Variants in ZNF469 observed in about 807,000 individuals in gnomAD.
ZNF469 encodes the protein zinc finger protein 469.
A neutral mutation model predicts 1.0 loss-of-function variants in ZNF469; 1 was observed. The observed-to-expected ratio is 1.00, with a 90% CI of 0.35 to 4.73. The LOEUF (loss-of-function observed/expected upper bound fraction) is 4.73. ZNF469 is among the 30% of genes most tolerant of loss of function. The pLI, the probability that ZNF469 is intolerant of heterozygous loss-of-function variation, is 0.16. For synonymous variants in ZNF469, 2,703 were observed against 2,363.4 expected (o/e 1.14, Z -4.17); for missense variants, 6,100 against 5,356.3 (o/e 1.14, Z -4.33).
the ZNF469 span, among the ~76,000 whole-genome samples, chr16:88,140,805 C>T: frequency 5.9e-5 from 9 of 152,116 alleles, no homozygotes; most frequent in East Asian, 5.8e-4. Flanking sequence ...TGGTGGCGGG[C>T]GCCTATAATC....
chr16:88,161,440 G>A, the ZNF469 span, among the ~76,000 whole-genome samples: 2 of 152,198 alleles, frequency 1.3e-5, no homozygotes, highest in Non-Finnish European at 2.9e-5. Context: ...GAGGTGCAGA[G>A]TGACTAGACC....
At chr16:88,320,127 G>A in the ZNF469 span, among the ~76,000 whole-genome samples, 74 of 152,354 alleles carry the variant, frequency 4.9e-4, no homozygotes, top group Middle Eastern at 3.4e-3. Context: ...TACAGAGCAC[G>A]GGGGAAGCTG....
chr16:88,271,457 C>T, the ZNF469 span, among the ~76,000 whole-genome samples: 5 of 138,770 alleles, frequency 3.6e-5, no homozygotes, highest in African/African-American at 1.2e-4. Flanking sequence ...TCACAGTGGG[C>T]GGACTGGCTT....
At position 88,431,015 on chromosome 16, in the gene ZNF469, C is replaced by G; in HGVS notation, c.3545C>G (p.Ala1182Gly). The G allele has an allele frequency of 2.6e-6, 4 of 1,543,744 alleles. No individual in the cohort carries two copies. Among genetic ancestry groups the G allele is most frequent in the Non-Finnish European group, 3.5e-6 (4 of 1,146,594 alleles). ...RGPSRSLETG[A>G]AAREGGPKCA... is the part of the protein sequence containing the mutation. ...CCGTCTCGAAGCCTGGAGACGGGAG[C>G]GGCCGCCAGGGAGGGAGGCCCCAAG... is the stretch of plus-strand genomic sequence containing the variant. The change falls in exon 3 of 3, where the codon GCG (alanine) becomes GGG (glycine). Residue 1182 changes from alanine (A) to glycine (G), a missense_variant. Coordinates refer to ENST00000565624, the MANE Select transcript of ZNF469 (RefSeq NM_001367624.2).
the ZNF469 span, among the ~76,000 whole-genome samples, chr16:88,208,287 C>T: frequency 8.4e-4 from 128 of 151,836 alleles, no homozygotes; most frequent in Middle Eastern, 3.4e-3. Context: ...TTCCCTGTTG[C>T]GTGCTGCAAT....
At chr16:88,353,762 T>C in the ZNF469 span, among the ~76,000 whole-genome samples, 1 of 152,184 alleles carries the variant, frequency 6.6e-6, no homozygotes, top group Admixed American at 6.5e-5. Context: ...GCAGGGAAGA[T>C]GAGCCCAGGA....
the ZNF469 span, among the ~76,000 whole-genome samples, chr16:88,266,450 C>T: frequency 6.6e-6 from 1 of 152,194 alleles, no homozygotes; most frequent in African/African-American, 2.4e-5. Flanking sequence ...CACTCGTGTC[C>T]TCGGGGTCTC....
chr16:88,187,002 G>A, the ZNF469 span, among the ~76,000 whole-genome samples: 3 of 152,128 alleles, frequency 2.0e-5, no homozygotes, highest in African/African-American at 7.2e-5. Context: ...GCTTTGTCTC[G>A]GGAGAAAGTT....
chr16:88,300,222 G>A, the ZNF469 span, among the ~76,000 whole-genome samples: 721 of 152,300 alleles, frequency 4.7e-3, 9 homozygotes, highest in African/African-American at 0.016. Context: ...GAGCCACTGG[G>A]TTGCTGGAGG....
intron 1 of ZNF469, among the ~76,000 whole-genome samples, chr16:88,413,208 G>C (rs553279530): frequency 3.9e-5 from 6 of 152,346 alleles, no homozygotes; most frequent in Non-Finnish European, 7.4e-5. Flanking sequence ...CTGCCATCCC[G>C]TGTGCACGAG....
At chr16:88,154,436 G>C in the ZNF469 span, among the ~76,000 whole-genome samples, 1 of 152,210 alleles carries the variant, frequency 6.6e-6, no homozygotes, top group Admixed American at 6.5e-5. Flanking sequence ...AAAGTGCTGG[G>C]ATTACAGGTG....
chr16:88,335,400 G>A, the ZNF469 span, among the ~76,000 whole-genome samples: 1 of 152,262 alleles, frequency 6.6e-6, no homozygotes, highest in Non-Finnish European at 1.5e-5. Context: ...GGGCAGCTGG[G>A]CTGGTCAAAA....
chr16:88,354,207 C>T, the ZNF469 span, among the ~76,000 whole-genome samples: 7 of 152,282 alleles, frequency 4.6e-5, no homozygotes, highest in South Asian at 2.1e-4. Flanking sequence ...GAAAGTCTGC[C>T]GCAGGAGCCG....
At chr16:88,254,668 G>C in the ZNF469 span, among the ~76,000 whole-genome samples, 2 of 152,318 alleles carry the variant, frequency 1.3e-5, no homozygotes, top group East Asian at 3.9e-4. Context: ...TGAGGCAGGA[G>C]AATTGCTTGA....
At chr16:88,185,658 T>G in the ZNF469 span, among the ~76,000 whole-genome samples, 5 of 144,942 alleles carry the variant, frequency 3.4e-5, no homozygotes, top group Non-Finnish European at 7.5e-5. Flanking sequence ...ATATAGTATA[T>G]GCACACACTC....
the ZNF469 span, among the ~76,000 whole-genome samples, chr16:88,286,356 T>C: frequency 3.9e-5 from 6 of 152,264 alleles, no homozygotes; most frequent in Non-Finnish European, 7.4e-5. Flanking sequence ...TCTGCCGTTA[T>C]ACTCAGGTGG....
the ZNF469 span, among the ~76,000 whole-genome samples, chr16:88,132,240 C>T: frequency 3.9e-5 from 6 of 152,256 alleles, no homozygotes; most frequent in South Asian, 2.1e-4. Flanking sequence ...CTCCGACGCC[C>T]GCCTTCCTGC....
Position 88,430,365 on chromosome 16 carries a change from G to T in ZNF469, c.2895G>T (p.Glu965Asp). 1 of 1,509,528 alleles carries T rather than the reference G, an allele frequency of 6.6e-7. No individual in the cohort carries two copies. Among genetic ancestry groups the T allele is most frequent in the Non-Finnish European group, 8.8e-7 (1 of 1,133,504 alleles). 93.5% of individuals were successfully genotyped at this position (1,509,528 alleles called of 1,614,324 possible). A position where few individuals can be genotyped will look rare whatever the true frequency, so the allele number is the denominator to read the frequency against. ...RKDLDSGGAAEGSGSGGGGRA... is the reference protein window; with the variant it reads ...RKDLDSGGAADGSGSGGGGRA... ...ATCTGGACTCGGGCGGCGCAGCAGA[G>T]GGGTCGGGGTCGGGCGGCGGCGGCA... Residue 965 changes from glutamate to aspartate, a missense_variant, in exon 3 of 3, where the codon GAG (glutamate) becomes GAT (aspartate). Physicochemically the swap from Glu to Asp is conservative, Grantham distance 45. Coordinates refer to ENST00000565624, the MANE Select transcript of ZNF469 (RefSeq NM_001367624.2).
At chr16:88,110,143 G>C in the ZNF469 span, among the ~76,000 whole-genome samples, 1 of 152,184 alleles carries the variant, frequency 6.6e-6, no homozygotes, top group Non-Finnish European at 1.5e-5. Flanking sequence ...CACTTCTTCA[G>C]AGTCACACAC....
Sources: gnomAD v4.1 joint callset for allele counts (sites outside exome capture counted in the v4.1 genomes callset) on GRCh38, gnomAD v4.1.1 for gene constraint, MANE v1.5 for transcripts, NCBI Gene and HGNC (gene_info 2026-07-23, HGNC 2026-07-21) for gene names.